ARFGEF2: variants seen among roughly 807,000 people sequenced by gnomAD.
The protein encoded by ARFGEF2 is brefeldin A-inhibited guanine nucleotide-exchange protein 2.
ARFGEF2 carries 74 observed loss-of-function variants against 219.9 expected under a neutral mutation model. The ratio of observed to expected loss-of-function variants is 0.34; its 90% CI spans 0.28 to 0.41. The LOEUF (loss-of-function observed/expected upper bound fraction) is 0.41. Ranked by LOEUF, ARFGEF2 falls within the 10% of genes least tolerant of loss-of-function variation. ARFGEF2 has a pLI of 1.00. For missense variants in ARFGEF2, 1,743 were observed against 2,218.3 expected, an observed-to-expected ratio of 0.79 and a Z score of 4.30; for synonymous variants, 733 against 799.2, an observed-to-expected ratio of 0.92 and a Z score of 1.40.
Position 49,013,917 on chromosome 20 carries a change from T to G in ARFGEF2, c.4136T>G (p.Phe1379Cys), listed in dbSNP as rs587780280. 1 of 1,614,056 alleles carries G rather than the reference T, an allele frequency of 6.2e-7. No homozygotes were observed. The highest frequency in any genetic ancestry group is 1.1e-5 in the South Asian group (1 of 91,076). Residue 1379 changes from phenylalanine to cysteine, a missense_variant, in exon 30 of 39, where the codon TTT becomes TGT. Physicochemically the swap from Phe to Cys is radical, Grantham distance 205. Around this residue, in one of 5 missense-constraint regions of ARFGEF2, gnomAD observed 578 missense variants for 664.0 expected, o/e 0.87. Transcript: ENST00000371917. ...HWWQDLFRIV[F>C]RIFDNMKLPE... The stretch of plus-strand genomic sequence containing the variant: ...TGGCAGGACCTGTTCAGAATCGTGT[T>G]TCGGATTTTTGACAATATGAAACTC...
intron 1 of ARFGEF2, among the ~76,000 whole-genome samples, chr20:48,923,520 C>T (rs1413894270): frequency 1.3e-5 from 2 of 152,164 alleles, no homozygotes; most frequent in African/African-American, 2.4e-5. Flanking sequence ...AATTCAGGAT[C>T]AGTGGAAGGA....
At chr20:48,963,925 T>G in intron 7 of ARFGEF2, 27 bp downstream of exon 7, 3 of 1,608,762 alleles carry the variant, frequency 1.9e-6, no homozygotes, top group Non-Finnish European at 2.6e-6. Context: ...ACCCAGCCTT[T>G]CCTCTTCCCT....
chr20:48,994,173 G>T (rs933785725), intron 21 of ARFGEF2, among the ~76,000 whole-genome samples: 2 of 152,140 alleles, frequency 1.3e-5, no homozygotes, highest in African/African-American at 4.8e-5. Flanking sequence ...GCAACAGTGA[G>T]GCCAATGAGG....
intron 3 of ARFGEF2, 131 bp downstream of exon 3, chr20:48,942,118 CGTAT>C: frequency 7.9e-7 from 1 of 1,266,076 alleles, no homozygotes; most frequent in Non-Finnish European, 1.1e-6. Flanking sequence ...AGCAGTTTAA[CGTAT>C]TCTTTTTGGA....
intron 14 of ARFGEF2, among the ~76,000 whole-genome samples, chr20:48,983,047 T>G (rs1322963668): frequency 6.6e-6 from 1 of 152,146 alleles, no homozygotes; most frequent in African/African-American, 2.4e-5. Flanking sequence ...GTACCTCAGT[T>G]GGAAATGCAG....
intron 35 of ARFGEF2, among the ~76,000 whole-genome samples, chr20:49,023,728 C>T (rs1465432820): frequency 2.0e-5 from 3 of 151,370 alleles, no homozygotes; most frequent in Non-Finnish European, 2.9e-5. Flanking sequence ...TTAGTAGAGA[C>T]GGGGTTTCAC....
At chr20:48,989,110 C>A (rs1031273939) in intron 18 of ARFGEF2, among the ~76,000 whole-genome samples, 175 bp from the exon 19 acceptor site, 2 of 152,082 alleles carry the variant, frequency 1.3e-5, no homozygotes, top group Admixed American at 1.3e-4. Flanking sequence ...AGTGACTTAC[C>A]CCCTCTGCCT....
chr20:48,985,091 C>T (rs2091319520), intron 15 of ARFGEF2, among the ~76,000 whole-genome samples: 1 of 152,138 alleles, frequency 6.6e-6, no homozygotes, highest in Non-Finnish European at 1.5e-5. Context: ...GGAAGAGAGT[C>T]AGAGCTGGAA....
rs2091374592 is a variant in ARFGEF2 at position 48,994,472 on chromosome 20, C to T, written c.2995C>T (p.Leu999=). The change falls in exon 22 of 39, where the codon CTG becomes TTG. Residue 999 remains leucine (L), a synonymous_variant. Coordinates refer to ENST00000371917, the MANE Select transcript of ARFGEF2 (RefSeq NM_006420.3). ...TTAGATCTTGAAATGCATCAGCCAGCTGGAGCTCGCTCAGCTGATAGGAAC... is the reference window on the plus strand; with the variant it reads ...TTAGATCTTGAAATGCATCAGCCAGTTGGAGCTCGCTCAGCTGATAGGAAC... ...WHEILKCISQ[L]ELAQLIGTGV... 6.2e-7 allele frequency: 1 copy of T among 1,613,930 alleles called. No individual in the cohort carries two copies. The highest frequency in any genetic ancestry group is 2.2e-5 in the East Asian group (1 of 44,898).
chr20:48,968,140 C>T (rs573034466), intron 8 of ARFGEF2, among the ~76,000 whole-genome samples: 1 of 151,580 alleles, frequency 6.6e-6, no homozygotes, highest in South Asian at 2.1e-4. Flanking sequence ...ACTACAGGTG[C>T]CCACCACCAC....
At chr20:48,935,234 C>G (rs1341823982) in intron 1 of ARFGEF2, among the ~76,000 whole-genome samples, 2 of 151,962 alleles carry the variant, frequency 1.3e-5, no homozygotes, top group Non-Finnish European at 2.9e-5. Flanking sequence ...GGCAGAGGAC[C>G]CTGCGGCCTT....
At chr20:48,948,185 C>T (rs2091040520) in intron 3 of ARFGEF2, among the ~76,000 whole-genome samples, 1 of 152,166 alleles carries the variant, frequency 6.6e-6, no homozygotes, top group South Asian at 2.1e-4. Context: ...AGCCCCAAAC[C>T]CAATTGCCTG....
chr20:49,025,667 C>T (rs1002152468), intron 36 of ARFGEF2, among the ~76,000 whole-genome samples, 186 bp downstream of exon 36: 41 of 152,126 alleles, frequency 2.7e-4, no homozygotes, highest in Non-Finnish European at 5.0e-4. Context: ...ATTCTCAGTA[C>T]GTATTTGATA....
At chr20:49,009,335 T>C (rs1568735444) in intron 26 of ARFGEF2, among the ~76,000 whole-genome samples, 1 of 152,018 alleles carries the variant, frequency 6.6e-6, no homozygotes, top group Non-Finnish European at 1.5e-5. Flanking sequence ...CAAACATGAA[T>C]GTCATTCTAA....
intron 4 of ARFGEF2, 100 bp from the exon 5 acceptor site, chr20:48,952,605 A>C (rs2091078084): frequency 8.2e-7 from 1 of 1,217,336 alleles, no homozygotes; most frequent in African/African-American, 1.5e-5. Flanking sequence ...AGCACACAGA[A>C]AAGAAAAACA....
rs2091652122 is a variant in ARFGEF2, at chr20:49,033,945, G to A, written c.*746G>A. The A allele has an allele frequency of 6.6e-6, 1 of 152,220 alleles. No individual in the cohort carries two copies. The highest frequency in any genetic ancestry group is 1.5e-5 in the Non-Finnish European group (1 of 68,040). 9.4% of individuals were successfully genotyped at this position (152,220 alleles called of 1,614,324 possible). A position where few individuals can be genotyped will look rare whatever the true frequency, so the allele number is the denominator to read the frequency against. ...ACGAAAAAGTGAACAATTTAATGAA[G>A]ATGATTAGCCTTCCTTGAAATAAGT... On this transcript the variant is annotated 3_prime_UTR_variant, in exon 39 of 39. Coordinates refer to ENST00000371917, the MANE Select transcript of ARFGEF2 (RefSeq NM_006420.3).
chr20:49,000,392 A>G (rs1961767703), intron 25 of ARFGEF2, among the ~76,000 whole-genome samples: 3 of 152,206 alleles, frequency 2.0e-5, no homozygotes, highest in Admixed American at 2.0e-4. Flanking sequence ...CAAGCATGTC[A>G]TATATCAGGG....
At chr20:48,956,871 C>T (rs58899629) in intron 6 of ARFGEF2, among the ~76,000 whole-genome samples, 9,829 of 152,294 alleles carry the variant, frequency 0.065, 1,017 homozygotes, top group African/African-American at 0.22. Flanking sequence ...TGAGCCACCA[C>T]GCCCAACCAG....
intron 1 of ARFGEF2, among the ~76,000 whole-genome samples, chr20:48,935,943 G>C (rs181988825): frequency 0.13 from 16,695 of 131,312 alleles, 1,806 homozygotes; most frequent in East Asian, 0.37. Flanking sequence ...TGGCCGGGGG[G>C]GGGGGCTGAC....
Sources: gnomAD v4.1 joint callset for allele counts (sites outside exome capture counted in the v4.1 genomes callset) on GRCh38, gnomAD v4.1.1 for gene constraint, gnomAD v4.1.1 regional missense constraint, MANE v1.5 for transcripts, NCBI Gene and HGNC (gene_info 2026-07-23, HGNC 2026-07-21) for gene names.